The following KCTD8 variants were observed in gnomAD, a reference collection of about 807,000 sequenced individuals.
The protein encoded by KCTD8 is BTB/POZ domain-containing protein KCTD8.
Under a neutral mutation model 31.5 loss-of-function variants are expected in KCTD8, and 27 were observed. The observed-to-expected ratio is 0.86, with a 90% CI of 0.63 to 1.18. The LOEUF (loss-of-function observed/expected upper bound fraction) is 1.18, where lower values mean the gene tolerates loss of function less well. KCTD8 is among the 50% of genes most tolerant of loss of function. The pLI, the probability that KCTD8 is intolerant of heterozygous loss-of-function variation, is 0.00. For missense variants in KCTD8, 658 were observed against 647.7 expected, an observed-to-expected ratio of 1.02 and a Z score of -0.17; for synonymous variants, 290 against 280.0, an observed-to-expected ratio of 1.04 and a Z score of -0.36.
chr4:44,287,414 T>C (rs1717123774), intron 1 of KCTD8, among the ~76,000 whole-genome samples: 1 of 152,210 alleles, frequency 6.6e-6, no homozygotes, highest in African/African-American at 2.4e-5. Flanking sequence ...AAAGATCATG[T>C]TTACAAACTT....
chr4:44,327,161 T>C (rs572363721), intron 1 of KCTD8, among the ~76,000 whole-genome samples: 1 of 152,056 alleles, frequency 6.6e-6, no homozygotes, highest in Admixed American at 6.6e-5. Flanking sequence ...CATTCTTCTT[T>C]TTATAGCAAG....
intron 1 of KCTD8, among the ~76,000 whole-genome samples, chr4:44,433,721 T>C (rs530794858): frequency 6.6e-6 from 1 of 151,776 alleles, no homozygotes; most frequent in South Asian, 2.1e-4. Flanking sequence ...TTCCTTATTT[T>C]TTCCACCAAG....
intron 1 of KCTD8, among the ~76,000 whole-genome samples, chr4:44,394,328 G>A (rs1435327336): frequency 2.0e-5 from 3 of 151,956 alleles, no homozygotes; most frequent in Non-Finnish European, 2.9e-5. Flanking sequence ...ATTCATAGGA[G>A]TGGGATTTGA....
intron 1 of KCTD8, among the ~76,000 whole-genome samples, chr4:44,394,523 A>C (rs1720447963): frequency 6.6e-6 from 1 of 152,140 alleles, no homozygotes; most frequent in Non-Finnish European, 1.5e-5. Flanking sequence ...ATTTAATGTC[A>C]TAAAAACTCA....
chr4:44,336,768 A>G (rs1192164733), intron 1 of KCTD8, among the ~76,000 whole-genome samples: 1 of 152,084 alleles, frequency 6.6e-6, no homozygotes, highest in Non-Finnish European at 1.5e-5. Flanking sequence ...CTGAATAATA[A>G]ACAATAAATG....
intron 1 of KCTD8, among the ~76,000 whole-genome samples, chr4:44,235,139 A>G (rs1417807485): frequency 2.0e-5 from 3 of 151,742 alleles, no homozygotes; most frequent in Non-Finnish European, 4.4e-5. Context: ...ATTATACACT[A>G]GTAATAGTAG....
intron 1 of KCTD8, among the ~76,000 whole-genome samples, chr4:44,311,567 T>G (rs1247866300): frequency 6.6e-6 from 1 of 152,032 alleles, no homozygotes; most frequent in Non-Finnish European, 1.5e-5. Flanking sequence ...CTCACCCTCC[T>G]TGCCAATCAG....
At chr4:44,358,567 C>CTTTTTTTTTTTTT (rs113573085) in intron 1 of KCTD8, among the ~76,000 whole-genome samples, 1 of 147,594 alleles carries the variant, frequency 6.8e-6, no homozygotes, top group African/African-American at 2.5e-5. Context: ...TGTTTCCTGA[C>CTTTTTTTTTTTTT]TTTTTTTTTT....
intron 1 of KCTD8, among the ~76,000 whole-genome samples, chr4:44,243,665 T>TAATTAACC (rs1715569280): frequency 6.6e-6 from 1 of 152,216 alleles, no homozygotes; most frequent in Non-Finnish European, 1.5e-5. Context: ...TCAGAGATGT[T>TAATTAACC]AATTAACCTA....
At chr4:44,410,956 G>A (rs1720939179) in intron 1 of KCTD8, among the ~76,000 whole-genome samples, 1 of 152,060 alleles carries the variant, frequency 6.6e-6, no homozygotes, top group African/African-American at 2.4e-5. Context: ...ATAATAAAAT[G>A]TCTCCAATAT....
chr4:44,427,749 C>T (rs1361907028), intron 1 of KCTD8, among the ~76,000 whole-genome samples: 1 of 151,564 alleles, frequency 6.6e-6, no homozygotes, highest in Non-Finnish European at 1.5e-5. Flanking sequence ...CCAAAGCATT[C>T]AAGAGAACTT....
chr4:44,376,325 G>T (rs1253334748), intron 1 of KCTD8, among the ~76,000 whole-genome samples: 1 of 152,052 alleles, frequency 6.6e-6, no homozygotes, highest in African/African-American at 2.4e-5. Context: ...CAGCCAAATG[G>T]TAAATGTACT....
chr4:44,442,007 T>C (rs1318343441), intron 1 of KCTD8, among the ~76,000 whole-genome samples: 1 of 152,142 alleles, frequency 6.6e-6, no homozygotes, highest in Non-Finnish European at 1.5e-5. Flanking sequence ...TTATTAAATG[T>C]ATAAAACCAA....
At chr4:44,391,320 T>C (rs148296086) in intron 1 of KCTD8, among the ~76,000 whole-genome samples, 7 of 151,980 alleles carry the variant, frequency 4.6e-5, no homozygotes, top group African/African-American at 1.7e-4. Context: ...CAAAAACCTA[T>C]TGAAATTTTT....
chr4:44,176,724 T>C (rs183803869), intron 1 of KCTD8, among the ~76,000 whole-genome samples: 2 of 152,322 alleles, frequency 1.3e-5, no homozygotes. Flanking sequence ...TATATGACTG[T>C]ATACATTTGT....
At chr4:44,275,766 G>A (rs1716733611) in intron 1 of KCTD8, among the ~76,000 whole-genome samples, 1 of 151,960 alleles carries the variant, frequency 6.6e-6, no homozygotes, top group Non-Finnish European at 1.5e-5. Context: ...CCCATGTGAG[G>A]GGCAATATTC....
At chr4:44,408,697 C>T (rs902026136) in intron 1 of KCTD8, among the ~76,000 whole-genome samples, 1 of 152,104 alleles carries the variant, frequency 6.6e-6, no homozygotes, top group Non-Finnish European at 1.5e-5. Context: ...CAGCACACTG[C>T]AACCTCTGAC....
At chr4:44,433,401 G>A (rs1046739509) in intron 1 of KCTD8, among the ~76,000 whole-genome samples, 3 of 151,628 alleles carry the variant, frequency 2.0e-5, no homozygotes, top group African/African-American at 7.3e-5. Flanking sequence ...GAAAGGTCTG[G>A]GACATCCCAC....
intron 1 of KCTD8, among the ~76,000 whole-genome samples, chr4:44,209,378 T>C (rs2109342829): frequency 6.6e-6 from 1 of 152,290 alleles, no homozygotes; most frequent in East Asian, 1.9e-4. Flanking sequence ...GTAAACATTT[T>C]ACTTTATAGA....
Sources: allele counts gnomAD v4.1 joint callset (sites outside exome capture counted in the v4.1 genomes callset), GRCh38; gene constraint gnomAD v4.1.1; transcripts MANE v1.5; gene names NCBI Gene and HGNC (gene_info 2026-07-23, HGNC 2026-07-21).